GPC5: variants seen among roughly 807,000 people sequenced by gnomAD.
GPC5 encodes glypican 5, also known as glypican-5.
In GPC5, 47 loss-of-function variants were observed where a neutral mutation model predicts 53.9. That is an observed-to-expected ratio of 0.87 (90% CI 0.69 to 1.11). The LOEUF (loss-of-function observed/expected upper bound fraction) is 1.11, where lower values mean the gene tolerates loss of function less well. Among genes scored for constraint, GPC5 ranks in the 50% most tolerant of loss-of-function variants. The pLI is 0.00. For missense variants in GPC5, 748 were observed against 713.1 expected, an observed-to-expected ratio of 1.05 and a Z score of -0.56; for synonymous variants, 286 against 263.3, an observed-to-expected ratio of 1.09 and a Z score of -0.84.
intron 7 of GPC5, among the ~76,000 whole-genome samples, chr13:92,397,070 C>A (rs1355092187): frequency 6.6e-6 from 1 of 152,150 alleles, no homozygotes; most frequent in South Asian, 2.1e-4. Context: ...GGAGATAAAA[C>A]CATAAAAATG....
chr13:92,509,440 C>T (rs1411269278), intron 7 of GPC5: 1 of 152,206 alleles, frequency 6.6e-6, no homozygotes, highest in Non-Finnish European at 1.5e-5. Context: ...TGACACACCT[C>T]TCGCCTTGAT....
At chr13:92,537,263 T>G (rs1482158650) in intron 7 of GPC5, among the ~76,000 whole-genome samples, 4 of 152,128 alleles carry the variant, frequency 2.6e-5, no homozygotes, top group Non-Finnish European at 4.4e-5. Context: ...GAAAGAAAAT[T>G]TATCATGTCA....
At chr13:91,992,287 C>T (rs995378752) in intron 6 of GPC5, among the ~76,000 whole-genome samples, 1 of 152,074 alleles carries the variant, frequency 6.6e-6, no homozygotes, top group African/African-American at 2.4e-5. Context: ...CCCACCTCAG[C>T]CGCCAAAAAT....
intron 7 of GPC5, among the ~76,000 whole-genome samples, chr13:92,854,058 A>G (rs1248070138): frequency 1.3e-5 from 2 of 152,026 alleles, no homozygotes; most frequent in South Asian, 2.1e-4. Flanking sequence ...CAAGGGCTCC[A>G]TGTTCTTTGT....
intron 7 of GPC5, among the ~76,000 whole-genome samples, chr13:92,450,092 A>C (rs933588260): frequency 2.6e-5 from 4 of 152,226 alleles, no homozygotes; most frequent in Non-Finnish European, 5.9e-5. Context: ...GAGTTTCAGA[A>C]GTAAAACATT....
At chr13:92,747,152 T>C (rs991771295) in intron 7 of GPC5, among the ~76,000 whole-genome samples, 5 of 152,284 alleles carry the variant, frequency 3.3e-5, no homozygotes, top group African/African-American at 1.2e-4. Context: ...TGACCATACA[T>C]GAATTGAATA....
intron 6 of GPC5, among the ~76,000 whole-genome samples, chr13:92,054,607 T>C (rs2041059568): frequency 6.6e-6 from 1 of 152,182 alleles, no homozygotes; most frequent in South Asian, 2.1e-4. Flanking sequence ...AACCAGACTT[T>C]GAACCCAGTG....
At chr13:92,048,393 A>G (rs2041000597) in intron 6 of GPC5, among the ~76,000 whole-genome samples, 1 of 152,146 alleles carries the variant, frequency 6.6e-6, no homozygotes, top group Non-Finnish European at 1.5e-5. Flanking sequence ...CAATCTTTTG[A>G]TACATCCCAC....
chr13:91,944,012 C>A (rs1294291648), intron 6 of GPC5, among the ~76,000 whole-genome samples: 1 of 151,848 alleles, frequency 6.6e-6, no homozygotes, highest in East Asian at 1.9e-4. Context: ...AAATTAGACT[C>A]TATGCTATTT....
At chr13:91,484,820 C>T (rs190485313) in intron 2 of GPC5, among the ~76,000 whole-genome samples, 1 of 152,296 alleles carries the variant, frequency 6.6e-6, no homozygotes, top group African/African-American at 2.4e-5. Flanking sequence ...GAGAACCCAT[C>T]AGTTAAATAA....
chr13:91,946,214 T>G (rs1032521648), intron 6 of GPC5, among the ~76,000 whole-genome samples: 27 of 152,306 alleles, frequency 1.8e-4, no homozygotes, highest in African/African-American at 6.5e-4. Context: ...TTTCTTTGTC[T>G]CATGGTTTCT....
chr13:91,830,284 G>A (rs746440601), intron 5 of GPC5, among the ~76,000 whole-genome samples: 3 of 152,058 alleles, frequency 2.0e-5, no homozygotes, highest in Non-Finnish European at 2.9e-5. Context: ...CAGCTCACCG[G>A]CAGTCAGAGT....
At chr13:91,604,460 A>G (rs928714011) in intron 2 of GPC5, among the ~76,000 whole-genome samples, 1 of 151,418 alleles carries the variant, frequency 6.6e-6, no homozygotes, top group Non-Finnish European at 1.5e-5. Context: ...TCCTTTGGGT[A>G]TATACCCAGT....
chr13:91,626,360 C>T (rs1009871626), intron 2 of GPC5, among the ~76,000 whole-genome samples: 5 of 152,114 alleles, frequency 3.3e-5, no homozygotes, highest in African/African-American at 1.2e-4. Flanking sequence ...CATGTACTGA[C>T]CATGGGAGTC....
At chr13:92,742,460 C>T (rs1269691476) in intron 7 of GPC5, among the ~76,000 whole-genome samples, 1 of 150,140 alleles carries the variant, frequency 6.7e-6, no homozygotes, top group Non-Finnish European at 1.5e-5. Context: ...AATTTGAGTT[C>T]TTTGTAGATT....
intron 6 of GPC5, among the ~76,000 whole-genome samples, chr13:92,116,888 G>A (rs2041605966): frequency 6.6e-6 from 1 of 151,952 alleles, no homozygotes; most frequent in Non-Finnish European, 1.5e-5. Context: ...TTTTTTGTTG[G>A]GTTGATGGTT....
chr13:91,987,280 C>G (rs1040772654), intron 6 of GPC5, among the ~76,000 whole-genome samples: 2 of 152,148 alleles, frequency 1.3e-5, no homozygotes, highest in Non-Finnish European at 2.9e-5. Context: ...TGCTTCTTCC[C>G]TGCCTCTCCT....
At chr13:92,100,270 G>A (rs867289488) in intron 6 of GPC5, among the ~76,000 whole-genome samples, 1 of 152,208 alleles carries the variant, frequency 6.6e-6, no homozygotes, top group Middle Eastern at 3.4e-3. Flanking sequence ...AGGCGTGGTG[G>A]CAGGTGCCCA....
In GPC5 at chr13:92,695,701, G is replaced by GTT. The variant is rs200591293; in HGVS notation, c.1562-170568_1562-170567dup. On this transcript the variant is annotated intron_variant, in intron 7 of 7. Transcript: ENST00000377067. The stretch of plus-strand genomic sequence containing the variant: ...TTCTCTTGTATTAAAAATTTTATGA[G>GTT]TTTTTTTTTTTTTTAGTTATTATAA... Among the ~76,000 whole-genome samples the GTT allele has an allele frequency of 1.7e-4, 24 of 141,952 alleles. No homozygotes were observed. The East Asian group carries it at 2.7e-3, about 16-fold the overall frequency. The allele number at this position is 141,952 out of a possible 152,430, so 93.1% of individuals were successfully genotyped here.
Sources: gnomAD v4.1 joint callset for allele counts (sites outside exome capture counted in the v4.1 genomes callset) on GRCh38, gnomAD v4.1.1 for gene constraint, MANE v1.5 for transcripts, NCBI Gene and HGNC (gene_info 2026-07-23, HGNC 2026-07-21) for gene names.